Variants in DPP10 observed in about 807,000 individuals in gnomAD.
The protein encoded by DPP10 is dipeptidyl peptidase like 10.
DPP10 carries 33 observed loss-of-function variants against 120.9 expected under a neutral mutation model. The observed-to-expected ratio is 0.27, with a 90% CI of 0.21 to 0.37. The LOEUF is 0.37. DPP10 is among the 10% of genes least tolerant of loss of function. The pLI, the probability that DPP10 is intolerant of heterozygous loss-of-function variation, is 1.00. For synonymous variants in DPP10, 337 were observed against 326.1 expected (o/e 1.03, Z -0.36); for missense variants, 816 against 942.8 (o/e 0.87, Z 1.76).
chr2:114,481,929 G>A (rs908951911), intron 1 of DPP10, among the ~76,000 whole-genome samples: 2 of 148,658 alleles, frequency 1.3e-5, no homozygotes, highest in Non-Finnish European at 3.0e-5. Context: ...AGAAGGAAGA[G>A]AAAGAGAAGA....
chr2:114,445,040 C>T (rs142980701), intron 1 of DPP10, among the ~76,000 whole-genome samples: 1 of 152,076 alleles, frequency 6.6e-6, no homozygotes, highest in East Asian at 1.9e-4. Flanking sequence ...ATGCATTAGC[C>T]TATGAACAAA....
At chr2:115,436,098 G>A (rs75922441) in intron 3 of DPP10, among the ~76,000 whole-genome samples, 2,435 of 151,858 alleles carry the variant, frequency 0.016, 59 homozygotes, top group African/African-American at 0.057. Flanking sequence ...GAAATGTTAG[G>A]TCAAAAGGGT....
chr2:115,167,258 T>C (rs1346930867), intron 1 of DPP10, among the ~76,000 whole-genome samples: 2 of 118,022 alleles, frequency 1.7e-5, no homozygotes, highest in East Asian at 4.3e-4. Flanking sequence ...CTAGACAAAA[T>C]AGAAAAAAAA....
chr2:115,579,053 T>C (rs1025503372), intron 5 of DPP10: 1 of 152,246 alleles, frequency 6.6e-6, no homozygotes, highest in African/African-American at 2.4e-5. Context: ...ATAAGCATTT[T>C]ATAAATGTTA....
intron 1 of DPP10, among the ~76,000 whole-genome samples, chr2:114,715,106 C>G (rs962750471): frequency 1.6e-4 from 25 of 152,050 alleles, no homozygotes; most frequent in African/African-American, 6.0e-4. Context: ...AATTACAGGA[C>G]CATAAATCTT....
chr2:114,505,918 T>A (rs549922478), intron 1 of DPP10, among the ~76,000 whole-genome samples: 33 of 152,378 alleles, frequency 2.2e-4, no homozygotes, highest in Non-Finnish European at 3.8e-4. Flanking sequence ...TAGCAAGATA[T>A]CTTGAAATGA....
rs557835197 is a variant in DPP10 at position 114,589,224 on chromosome 2, A to G, written c.60+146386A>G. Reference sequence around the variant, plus strand: ...TTGAAGCAAAGGAAAAAGCCCCTCAAGTAGGTCAGTTTTATAAAGTTCTGG... The same window carrying G: ...TTGAAGCAAAGGAAAAAGCCCCTCAGGTAGGTCAGTTTTATAAAGTTCTGG... On this transcript the variant is annotated intron_variant, in intron 1 of 25. Coordinates refer to ENST00000410059, the MANE Select transcript of DPP10 (RefSeq NM_020868.6). 2.0e-5 allele frequency among the ~76,000 whole-genome samples: 3 copies of G among 152,242 alleles called. No homozygotes were observed. The East Asian group carries it at 5.8e-4, about 29-fold the overall frequency.
chr2:114,883,234 G>A (rs1330909559), intron 1 of DPP10, among the ~76,000 whole-genome samples: 1 of 152,136 alleles, frequency 6.6e-6, no homozygotes, highest in Non-Finnish European at 1.5e-5. Context: ...TTCCCAAATG[G>A]CAAGTGATAC....
intron 19 of DPP10, among the ~76,000 whole-genome samples, chr2:115,795,775 T>C (rs1010552446): frequency 1.3e-5 from 2 of 152,162 alleles, no homozygotes; most frequent in African/African-American, 2.4e-5. Flanking sequence ...TTTCATTTCC[T>C]CAAACAACTT....
chr2:115,131,318 A>G (rs4848382), intron 1 of DPP10, among the ~76,000 whole-genome samples: 11,317 of 152,212 alleles, frequency 0.074, 801 homozygotes, highest in East Asian at 0.3. Context: ...AGTTCAAGAC[A>G]AGCCTGGGCA....
chr2:115,217,391 T>G (rs1477219754), intron 1 of DPP10, among the ~76,000 whole-genome samples: 2 of 152,216 alleles, frequency 1.3e-5, no homozygotes, highest in Non-Finnish European at 2.9e-5. Flanking sequence ...AATTCTGTTT[T>G]CGTGGATGAT....
At chr2:115,244,525 A>G (rs1266120983) in intron 1 of DPP10, among the ~76,000 whole-genome samples, 1 of 151,832 alleles carries the variant, frequency 6.6e-6, no homozygotes, top group Non-Finnish European at 1.5e-5. Context: ...GAAATGTGAA[A>G]TATTTCTTAA....
intron 5 of DPP10, among the ~76,000 whole-genome samples, chr2:115,535,244 A>T (rs2078741346): frequency 6.7e-6 from 1 of 149,972 alleles, no homozygotes; most frequent in Non-Finnish European, 1.5e-5. Context: ...TTATGGTTTT[A>T]GGTCTAACGT....
At chr2:114,569,655 A>T (rs1689467995) in intron 1 of DPP10, among the ~76,000 whole-genome samples, 1 of 152,140 alleles carries the variant, frequency 6.6e-6, no homozygotes, top group Non-Finnish European at 1.5e-5. Context: ...CCCCTTAAAG[A>T]TGTTGGACAT....
At chr2:115,457,359 T>G (rs933094628) in intron 3 of DPP10, among the ~76,000 whole-genome samples, 3 of 152,146 alleles carry the variant, frequency 2.0e-5, no homozygotes, top group African/African-American at 7.2e-5. Context: ...ACAAATATTC[T>G]TAAATGTGAT....
chr2:114,850,842 ATAT>A (rs1416228406), intron 1 of DPP10, among the ~76,000 whole-genome samples: 1 of 152,072 alleles, frequency 6.6e-6, no homozygotes, highest in East Asian at 1.9e-4. Flanking sequence ...AGTCTTCAGA[ATAT>A]TATTTTTTTT....
At chr2:114,660,520 C>T (rs998082091) in intron 1 of DPP10, among the ~76,000 whole-genome samples, 1 of 152,076 alleles carries the variant, frequency 6.6e-6, no homozygotes, top group Non-Finnish European at 1.5e-5. Flanking sequence ...ATGGCTTGTT[C>T]AAGTGTTTTA....
chr2:115,753,750 T>A (rs1028646039), intron 11 of DPP10, among the ~76,000 whole-genome samples: 5 of 152,128 alleles, frequency 3.3e-5, no homozygotes, highest in Admixed American at 2.6e-4. Flanking sequence ...AAGTAAAAAA[T>A]TGGTTCATGA....
At position 114,764,564 on chromosome 2, in the gene DPP10, T is replaced by C. The variant is rs563352450; in HGVS notation, c.60+321726T>C. On this transcript the variant is annotated intron_variant, in intron 1 of 25. Coordinates refer to ENST00000410059, the MANE Select transcript of DPP10 (RefSeq NM_020868.6). ...TGGAAGTACTGGCATTTCTATTTGATGAAAAGTTCTATTTAATTAATTATA... is the reference window on the plus strand; with the variant it reads ...TGGAAGTACTGGCATTTCTATTTGACGAAAAGTTCTATTTAATTAATTATA... 2.6e-4 allele frequency among the ~76,000 whole-genome samples: 39 copies of C among 152,088 alleles called. 1 individual carries two copies. The South Asian group carries it at 8.1e-3, about 32-fold the overall frequency.
Sources: gnomAD v4.1 joint callset for allele counts (sites outside exome capture counted in the v4.1 genomes callset) on GRCh38, gnomAD v4.1.1 for gene constraint, MANE v1.5 for transcripts, NCBI Gene and HGNC (gene_info 2026-07-23, HGNC 2026-07-21) for gene names.